The following PPARD variants were observed in gnomAD, a reference collection of about 807,000 sequenced individuals.
PPARD encodes peroxisome proliferator-activated receptor delta.
In PPARD, 6 loss-of-function variants were observed where a neutral mutation model predicts 39.5. The observed-to-expected ratio is 0.15, with a 90% CI of 0.08 to 0.30. The LOEUF (loss-of-function observed/expected upper bound fraction) is 0.30, where lower values mean the gene tolerates loss of function less well. Ranked by LOEUF, PPARD falls within the 10% of genes least tolerant of loss-of-function variation. The pLI is 1.00. For synonymous variants in PPARD, 210 were observed against 231.3 expected (o/e 0.91, Z 0.83); for missense variants, 397 against 596.8 (o/e 0.67, Z 3.49).
chr6:35,355,505 T>G (rs186710344), intron 2 of PPARD, among the ~76,000 whole-genome samples: 2 of 147,350 alleles, frequency 1.4e-5, no homozygotes, highest in African/African-American at 5.1e-5. Flanking sequence ...TGAGCCATAT[T>G]TGTACCACTG....
At chr6:35,356,741 A>AG (rs886420251) in intron 2 of PPARD, among the ~76,000 whole-genome samples, 1 of 152,158 alleles carries the variant, frequency 6.6e-6, no homozygotes, top group African/African-American at 2.4e-5. Context: ...AATGTCTCCT[A>AG]GGGGGCAAAA....
chr6:35,345,997 C>T (rs1015757157), intron 1 of PPARD, among the ~76,000 whole-genome samples: 5 of 152,082 alleles, frequency 3.3e-5, no homozygotes, highest in African/African-American at 1.2e-4. Flanking sequence ...CTGCCTCAGC[C>T]TCCTGAGTAG....
intron 2 of PPARD, among the ~76,000 whole-genome samples, chr6:35,405,177 C>A (rs1562211361): frequency 6.6e-6 from 1 of 151,986 alleles, no homozygotes; most frequent in South Asian, 2.1e-4. Context: ...CTTGCCTCAG[C>A]CTCCCAGGTA....
intron 2 of PPARD, 35 bp downstream of exon 2, chr6:35,347,185 C>T: frequency 6.5e-7 from 1 of 1,533,640 alleles, no homozygotes; most frequent in Non-Finnish European, 8.7e-7. Flanking sequence ...GGTCTCTGAC[C>T]ACCACTGACA....
intron 2 of PPARD, among the ~76,000 whole-genome samples, chr6:35,393,831 G>A (rs1266703178): frequency 1.3e-5 from 2 of 152,096 alleles, no homozygotes; most frequent in Non-Finnish European, 2.9e-5. Context: ...GCTTATATGG[G>A]ACCTTAGAAA....
chr6:35,376,461 C>T (rs973199790), intron 2 of PPARD, among the ~76,000 whole-genome samples: 1 of 151,690 alleles, frequency 6.6e-6, no homozygotes, highest in Non-Finnish European at 1.5e-5. Flanking sequence ...GAGGCTTGCC[C>T]CTCTTGGTGG....
intron 2 of PPARD, among the ~76,000 whole-genome samples, chr6:35,387,468 A>T (rs1441980753): frequency 6.6e-6 from 1 of 152,102 alleles, no homozygotes; most frequent in African/African-American, 2.4e-5. Flanking sequence ...ACAGAAAGGG[A>T]CTGACTGGAC....
chr6:35,415,803 T>TGTGTGTGTGTGTGTGTGTGTGTG (rs1562219892), intron 3 of PPARD, among the ~76,000 whole-genome samples: 22 of 151,520 alleles, frequency 1.5e-4, no homozygotes, highest in African/African-American at 3.4e-4. Context: ...TGTGTGTGTG[T>TGTGTGTGTGTGTGTGTGTGTGTG]TGAAAGAAAG....
intron 3 of PPARD, among the ~76,000 whole-genome samples, chr6:35,416,228 C>CA (rs1013877206): frequency 4.9e-4 from 74 of 150,730 alleles, no homozygotes; most frequent in African/African-American, 1.5e-3. Flanking sequence ...CTAAAAATAC[C>CA]AAAAAAAACT....
rs1032584025 is a variant in PPARD, at chr6:35,409,363, G to C, written c.-101-1624G>C. 7.2e-5 allele frequency among the ~76,000 whole-genome samples: 11 copies of C among 152,054 alleles called. 1 individual carries two copies. The highest frequency in any genetic ancestry group is 2.9e-5 in the Non-Finnish European group (2 of 67,972). ...CTAAAAAAAAATACAGAAATTAGCT[G>C]GTGTGGTAGTGCACACCTGTGGTCC... On this transcript the variant is annotated intron_variant, in intron 2 of 7. Transcript: ENST00000360694.
rs555699784 is a variant in PPARD at position 35,401,228 on chromosome 6, C to T, written c.-101-9759C>T. On this transcript the variant is annotated intron_variant, in intron 2 of 7. Coordinates refer to ENST00000360694, the MANE Select transcript of PPARD (RefSeq NM_006238.5). The surrounding 1 kb of genome is among the most constrained non-coding windows in gnomAD (Gnocchi z 4.1). ...CCCTCAACTCCTCAGCCTGAGTCTTCCCAGGAACACAACAGGCAGCTGCTT... is the reference window on the plus strand; with the variant it reads ...CCCTCAACTCCTCAGCCTGAGTCTTTCCAGGAACACAACAGGCAGCTGCTT... 1.3e-5 allele frequency among the ~76,000 whole-genome samples: 2 copies of T among 152,270 alleles called. No homozygotes were observed. Among genetic ancestry groups the T allele is most frequent in the South Asian group, 2.1e-4 (1 of 4,832 alleles).
At chr6:35,389,843 T>A (rs1581607627) in intron 2 of PPARD, among the ~76,000 whole-genome samples, 1 of 151,944 alleles carries the variant, frequency 6.6e-6, no homozygotes, top group African/African-American at 2.4e-5. Context: ...TTTGAAAGGG[T>A]GAGAGATGAG....
chr6:35,368,929 C>A (rs978761679), intron 2 of PPARD, among the ~76,000 whole-genome samples: 9 of 152,226 alleles, frequency 5.9e-5, no homozygotes, highest in Middle Eastern at 6.8e-3. Context: ...TATGAAATTC[C>A]TTTGCTTGGC....
At chr6:35,403,731 G>C (rs1764846204) in intron 2 of PPARD, among the ~76,000 whole-genome samples, 1 of 151,740 alleles carries the variant, frequency 6.6e-6, no homozygotes. Flanking sequence ...CCCGGGTCAG[G>C]GTTGTGGTGA....
intron 2 of PPARD, among the ~76,000 whole-genome samples, chr6:35,405,878 C>T (rs9470016): frequency 0.12 from 18,382 of 151,922 alleles, 2,624 homozygotes; most frequent in African/African-American, 0.35. Context: ...GATCCACCCA[C>T]CTTGGCCTCC....
At chr6:35,349,049 G>C (rs58090362) in intron 2 of PPARD, 2 of 951,272 alleles carry the variant, frequency 2.1e-6, no homozygotes, top group East Asian at 1.2e-4. Flanking sequence ...TTTTTGAGAC[G>C]GAGTCTCGCT....
At chr6:35,373,309 C>T (rs1159111801) in intron 2 of PPARD, among the ~76,000 whole-genome samples, 14 of 152,116 alleles carry the variant, frequency 9.2e-5, no homozygotes. Context: ...TGAAAGAATG[C>T]CCATAAAACA....
chr6:35,424,287 G>A lies in PPARD; in HGVS notation c.628-42G>A, dbSNP rs1183602412. ...AAGGGACATGGGGAGCACAGGGTGG[G>A]GGTCTCCCGAGGCCTGATCTCTAAC... On this transcript the variant is annotated intron_variant, in intron 6 of 7. Transcript: ENST00000360694. The surrounding 1 kb of genome is among the most constrained non-coding windows in gnomAD (Gnocchi z 7.1). The A allele has an allele frequency of 1.2e-6, 2 of 1,601,168 alleles. No individual in the cohort carries two copies. Among genetic ancestry groups the A allele is most frequent in the Non-Finnish European group, 1.7e-6 (2 of 1,171,512 alleles).
chr6:35,407,617 C>G (rs190885011), intron 2 of PPARD, among the ~76,000 whole-genome samples: 1 of 151,674 alleles, frequency 6.6e-6, no homozygotes, highest in Admixed American at 6.6e-5. Flanking sequence ...ATATAGGTAA[C>G]TAACCTGCAC....
Sources: gnomAD v4.1 joint callset for allele counts (sites outside exome capture counted in the v4.1 genomes callset) on GRCh38, gnomAD v4.1.1 for gene constraint, Gnocchi (gnomAD v3.1) non-coding constraint, MANE v1.5 for transcripts, NCBI Gene and HGNC (gene_info 2026-07-23, HGNC 2026-07-21) for gene names.